Variants in NDEL1 observed in about 807,000 individuals in gnomAD.
The protein encoded by NDEL1 is nudE neurodevelopment protein 1 like 1.
A neutral mutation model predicts 45.7 loss-of-function variants in NDEL1; 9 were observed. That is an observed-to-expected ratio of 0.20 (90% confidence interval 0.12 to 0.34). The LOEUF (loss-of-function observed/expected upper bound fraction) is 0.34. Among genes scored for constraint, NDEL1 ranks in the 10% least tolerant of loss-of-function variants. The pLI, the probability that NDEL1 is intolerant of heterozygous loss-of-function variation, is 1.00. For synonymous variants in NDEL1, 133 were observed against 158.6 expected (o/e 0.84, Z 1.21); for missense variants, 306 against 406.2 (o/e 0.75, Z 2.12).
At chr17:8,456,249 A>T (rs1010948222) in intron 7 of NDEL1, among the ~76,000 whole-genome samples, 2 of 152,196 alleles carry the variant, frequency 1.3e-5, no homozygotes, top group Non-Finnish European at 2.9e-5. Flanking sequence ...TAAAATACAA[A>T]GTAAAGTGCA....
At chr17:8,421,993 GAAGT>G (rs1908717554) in intron 1 of NDEL1, among the ~76,000 whole-genome samples, 1 of 152,196 alleles carries the variant, frequency 6.6e-6, no homozygotes, top group African/African-American at 2.4e-5. Context: ...CCAGAGAAGG[GAAGT>G]CACTTTAACA....
chr17:8,457,827 TC>T (rs1264808251), intron 7 of NDEL1, among the ~76,000 whole-genome samples: 3 of 22,584 alleles, frequency 1.3e-4, no homozygotes, highest in East Asian at 0.083. Flanking sequence ...CTCCTGTATT[TC>T]AGCCTTTTAC....
intron 8 of NDEL1, 65 bp from the exon 9 acceptor site, chr17:8,466,865 G>T: frequency 6.9e-7 from 1 of 1,442,806 alleles, no homozygotes; most frequent in Non-Finnish European, 9.8e-7. Context: ...TATTGTGTGT[G>T]AGTGATTTTA....
intron 1 of NDEL1, among the ~76,000 whole-genome samples, chr17:8,428,756 C>T (rs961726667): frequency 1.3e-5 from 2 of 151,842 alleles, no homozygotes; most frequent in Non-Finnish European, 2.9e-5. Flanking sequence ...TCACTGCAAG[C>T]TCCGCCTCCC....
chr17:8,463,279 A>T (rs1482470792), intron 8 of NDEL1: 1 of 1,547,060 alleles, frequency 6.5e-7, no homozygotes, highest in Admixed American at 1.7e-5. Flanking sequence ...TGGAAATAGT[A>T]TTCGTATTAC....
intron 1 of NDEL1, among the ~76,000 whole-genome samples, chr17:8,439,192 G>A (rs886583082): frequency 3.9e-4 from 58 of 150,302 alleles, no homozygotes; most frequent in East Asian, 9.9e-4. Context: ...CGCCCGCCTC[G>A]GCCTCCCAAA....
chr17:8,422,536 G>A (rs1363674675), intron 1 of NDEL1, among the ~76,000 whole-genome samples: 1 of 151,936 alleles, frequency 6.6e-6, no homozygotes, highest in Non-Finnish European at 1.5e-5. Context: ...TGCCAGGCCT[G>A]CTTCCCTCTC....
intron 1 of NDEL1, among the ~76,000 whole-genome samples, chr17:8,421,567 C>T (rs1908709107): frequency 6.6e-6 from 1 of 152,108 alleles, no homozygotes; most frequent in African/African-American, 2.4e-5. Flanking sequence ...CAACGCTGCC[C>T]GACACCTTGA....
chr17:8,434,581 A>C (rs1405348811), upstream of NDEL1, among the ~76,000 whole-genome samples: 1 of 151,962 alleles, frequency 6.6e-6, no homozygotes, highest in Non-Finnish European at 1.5e-5. Context: ...ATTATACAGC[A>C]AAAGTTCTTA....
intron 1 of NDEL1, among the ~76,000 whole-genome samples, chr17:8,425,318 C>T (rs1244032536): frequency 6.6e-6 from 1 of 152,256 alleles, no homozygotes. Context: ...CGCAGTGGCG[C>T]ATGCCTGTAA....
intron 1 of NDEL1, among the ~76,000 whole-genome samples, chr17:8,418,343 A>G (rs1908602874): frequency 1.3e-5 from 2 of 152,242 alleles, no homozygotes; most frequent in Admixed American, 1.3e-4. Flanking sequence ...CCAGCATGGC[A>G]GGAGACAGTG....
intron 6 of NDEL1, among the ~76,000 whole-genome samples, chr17:8,451,455 C>T (rs1567735943): frequency 6.6e-6 from 1 of 152,124 alleles, no homozygotes; most frequent in Non-Finnish European, 1.5e-5. Context: ...AGACCTGAGG[C>T]CTTTCTACAT....
chr17:8,416,539 T>C (rs539836887), intron 1 of NDEL1, among the ~76,000 whole-genome samples: 1 of 152,336 alleles, frequency 6.6e-6, no homozygotes, highest in African/African-American at 2.4e-5. Context: ...AGTCTTCTGC[T>C]ATTATGATTC....
At chr17:8,456,624 G>T (rs1200576147) in intron 7 of NDEL1, among the ~76,000 whole-genome samples, 2 of 151,028 alleles carry the variant, frequency 1.3e-5, no homozygotes, top group Non-Finnish European at 2.9e-5. Context: ...TCAGCCTCCT[G>T]AGTAGCTGGG....
At chr17:8,472,485 C>A (rs1456891316), downstream of NDEL1, among the ~76,000 whole-genome samples, 1 of 152,070 alleles carries the variant, frequency 6.6e-6, no homozygotes, top group Admixed American at 6.5e-5. Context: ...ATGGTGAAAC[C>A]CCGTTTCTAC....
intron 7 of NDEL1, 48 bp downstream of exon 7, chr17:8,454,935 G>T (rs1240673490): frequency 1.4e-6 from 2 of 1,457,012 alleles, no homozygotes; most frequent in South Asian, 2.3e-5. Flanking sequence ...ACAAGGTATT[G>T]AATTATTTCT....
upstream of NDEL1, among the ~76,000 whole-genome samples, chr17:8,435,599 C>T (rs1357211912): frequency 6.6e-6 from 1 of 152,224 alleles, no homozygotes; most frequent in Non-Finnish European, 1.5e-5. Flanking sequence ...GCCTTGGTGG[C>T]CAGAAAACTG....
upstream of NDEL1, among the ~76,000 whole-genome samples, chr17:8,432,632 C>T (rs551964797): frequency 2.8e-4 from 42 of 151,916 alleles, no homozygotes; most frequent in Admixed American, 7.2e-4. Context: ...GATCCGCCTG[C>T]CTCGGCTTCC....
chr17:8,450,481 T>C (rs1910420761), intron 5 of NDEL1, among the ~76,000 whole-genome samples: 1 of 152,182 alleles, frequency 6.6e-6, no homozygotes, highest in African/African-American at 2.4e-5. Flanking sequence ...GCAAATAAGT[T>C]GGTGAAGAAT....
Sources: allele counts gnomAD v4.1 joint callset (sites outside exome capture counted in the v4.1 genomes callset), GRCh38; gene constraint gnomAD v4.1.1; transcripts MANE v1.5; gene names NCBI Gene and HGNC (gene_info 2026-07-23, HGNC 2026-07-21).